PCSK5: variants seen among roughly 807,000 people sequenced by gnomAD.
PCSK5 encodes prohormone convertase 5.
Under a neutral mutation model 233.2 loss-of-function variants are expected in PCSK5, and 129 were observed. That is an observed-to-expected ratio of 0.55 (90% CI 0.48 to 0.64). The LOEUF (loss-of-function observed/expected upper bound fraction) is 0.64, where lower values mean the gene tolerates loss of function less well. Among genes scored for constraint, PCSK5 ranks in the 30% least tolerant of loss-of-function variants. PCSK5 has a pLI of 0.00. For synonymous variants in PCSK5, 825 were observed against 879.2 expected (o/e 0.94, Z 1.09); for missense variants, 2,076 against 2,430.1 (o/e 0.85, Z 3.06).
rs1157174315 is a variant in PCSK5 at position 76,362,361 on chromosome 9, T to C, written c.*3439T>C. 6.6e-6 allele frequency: 1 copy of C among 152,256 alleles called. No homozygotes were observed. Among genetic ancestry groups the C allele is most frequent in the Non-Finnish European group, 1.5e-5 (1 of 68,052 alleles). 9.4% of individuals were successfully genotyped at this position (152,256 alleles called of 1,614,324 possible). A position where few individuals can be genotyped will look rare whatever the true frequency, so the allele number is the denominator to read the frequency against. On this transcript the variant is annotated 3_prime_UTR_variant, in exon 38 of 38. Transcript: ENST00000674117. ...ACCAGATAATGCTATGGAGACTTAC[T>C]TATTAAATAACTTTCTGAGCATTTT... is the stretch of plus-strand genomic sequence containing the variant.
At chr9:76,297,160 G>C (rs1300173726) in intron 27 of PCSK5, among the ~76,000 whole-genome samples, 1 of 152,162 alleles carries the variant, frequency 6.6e-6, no homozygotes, top group Non-Finnish European at 1.5e-5. Context: ...CAAGTGAAGA[G>C]AGTCACGGAG....
chr9:75,950,461 G>A (rs1345534551), intron 2 of PCSK5, among the ~76,000 whole-genome samples: 3 of 152,136 alleles, frequency 2.0e-5, no homozygotes, highest in African/African-American at 4.8e-5. Context: ...TTTTTAAAAC[G>A]AAAACACCAT....
chr9:75,960,011 G>A lies in PCSK5; in HGVS notation c.298-26121G>A, dbSNP rs1825272486. 5.9e-5 allele frequency among the ~76,000 whole-genome samples: 9 copies of A among 152,250 alleles called. No homozygotes were observed. In the Middle Eastern group the frequency reaches 0.014, roughly 230 times the overall value. Reference sequence around the variant, plus strand: ...CAATTTTGGACACTAGTTTGTGGAGGACCTAGGATTCAAACTCATGTGTCC... The same window carrying A: ...CAATTTTGGACACTAGTTTGTGGAGAACCTAGGATTCAAACTCATGTGTCC... On this transcript the variant is annotated intron_variant, in intron 2 of 37. Coordinates refer to ENST00000674117, the MANE Select transcript of PCSK5 (RefSeq NM_001372043.1).
chr9:76,300,263 T>A (rs186671308), intron 27 of PCSK5, among the ~76,000 whole-genome samples: 22 of 152,338 alleles, frequency 1.4e-4, no homozygotes, highest in African/African-American at 5.3e-4. Flanking sequence ...CATGGAAATC[T>A]GATTTTTAGA....
intron 24 of PCSK5, among the ~76,000 whole-genome samples, chr9:76,255,252 A>G (rs1011611013): frequency 1.3e-5 from 2 of 152,118 alleles, no homozygotes; most frequent in African/African-American, 4.8e-5. Flanking sequence ...ATGCCACTGC[A>G]CTCCAGCCTG....
intron 7 of PCSK5, among the ~76,000 whole-genome samples, chr9:76,075,224 A>AAATAATAATAAT (rs145167571): frequency 0.012 from 1,807 of 150,628 alleles, 36 homozygotes; most frequent in African/African-American, 0.041. Flanking sequence ...CGTCTCAATA[A>AAATAATAATAAT]AATAATAATA....
At chr9:76,208,636 A>G (rs1409395096) in intron 20 of PCSK5, among the ~76,000 whole-genome samples, 1 of 152,188 alleles carries the variant, frequency 6.6e-6, no homozygotes, top group African/African-American at 2.4e-5. Flanking sequence ...TTTATAAGTC[A>G]TCTGTTCTTA....
At chr9:75,989,135 C>G (rs1826655175) in intron 3 of PCSK5, among the ~76,000 whole-genome samples, 1 of 152,168 alleles carries the variant, frequency 6.6e-6, no homozygotes, top group Non-Finnish European at 1.5e-5. Context: ...TCAGGACTTT[C>G]AGATCTGCAG....
chr9:76,030,989 G>A (rs1321311099), intron 5 of PCSK5, among the ~76,000 whole-genome samples: 1 of 152,118 alleles, frequency 6.6e-6, no homozygotes, highest in East Asian at 1.9e-4. Flanking sequence ...TCCTGACGGT[G>A]AAATAGGGAA....
intron 8 of PCSK5, among the ~76,000 whole-genome samples, chr9:76,098,829 T>G (rs965218851): frequency 6.6e-6 from 1 of 152,196 alleles, no homozygotes; most frequent in African/African-American, 2.4e-5. Flanking sequence ...TGAGTTTTAC[T>G]CTCTAAACTT....
chr9:76,354,289 G>C (rs1386731022), intron 37 of PCSK5, 70 bp downstream of exon 37: 1 of 1,219,110 alleles, frequency 8.2e-7, no homozygotes, highest in Non-Finnish European at 1.1e-6. Flanking sequence ...AGCAGAGGGA[G>C]GGGGGGATGG....
chr9:75,975,445 T>C (rs1268802837), intron 2 of PCSK5, among the ~76,000 whole-genome samples: 5 of 152,198 alleles, frequency 3.3e-5, no homozygotes, highest in Admixed American at 3.3e-4. Flanking sequence ...GATCACCCTA[T>C]GTCCTCTGCT....
intron 3 of PCSK5, among the ~76,000 whole-genome samples, chr9:75,994,400 CTTTTTTTTTTTTTTTTTTTTTTTTTTT>C (rs550518074): frequency 1.1e-4 from 9 of 82,044 alleles, no homozygotes; most frequent in Non-Finnish European, 1.9e-4. Context: ...TTCTTTCTTT[CTTTTTTTTTTTTTTTTTTTTTTTTTTT>C]TTTTTTTTTT....
At chr9:76,204,496 C>A (rs1198953654) in intron 20 of PCSK5, among the ~76,000 whole-genome samples, 1 of 151,816 alleles carries the variant, frequency 6.6e-6, no homozygotes, top group Non-Finnish European at 1.5e-5. Context: ...CTCCTCTACT[C>A]TCTCCCCCCT....
chr9:76,008,522 C>T (rs1246587482), intron 3 of PCSK5, among the ~76,000 whole-genome samples: 3 of 151,284 alleles, frequency 2.0e-5, no homozygotes, highest in Non-Finnish European at 4.4e-5. Flanking sequence ...AGTGCAGTGG[C>T]GCAATCTTGG....
At chr9:76,018,413 G>A (rs1223291291) in intron 3 of PCSK5, among the ~76,000 whole-genome samples, 1 of 152,216 alleles carries the variant, frequency 6.6e-6, no homozygotes, top group African/African-American at 2.4e-5. Context: ...TGGCAGGTGA[G>A]CATTACCGCC....
chr9:76,296,012 GATTCTGT>G (rs1828426652), intron 26 of PCSK5, among the ~76,000 whole-genome samples: 1 of 152,216 alleles, frequency 6.6e-6, no homozygotes, highest in Admixed American at 6.5e-5. Flanking sequence ...AGGCCTCAAG[GATTCTGT>G]ATTCGATGCT....
intron 2 of PCSK5, among the ~76,000 whole-genome samples, chr9:75,941,603 A>C (rs368769079): frequency 2.0e-5 from 3 of 152,154 alleles, no homozygotes; most frequent in Non-Finnish European, 4.4e-5. Context: ...TTCACCAGCT[A>C]TGAATGCGAT....
At chr9:76,190,433 A>G (rs1824315984) in intron 20 of PCSK5, among the ~76,000 whole-genome samples, 1 of 150,728 alleles carries the variant, frequency 6.6e-6, no homozygotes, top group Middle Eastern at 3.2e-3. Context: ...TTATTGTTGT[A>G]TTTCTTTCCA....
Sources: allele counts gnomAD v4.1 joint callset (sites outside exome capture counted in the v4.1 genomes callset), GRCh38; gene constraint gnomAD v4.1.1; transcripts MANE v1.5; gene names NCBI Gene and HGNC (gene_info 2026-07-23, HGNC 2026-07-21).